XRN1: variants seen among roughly 807,000 people sequenced by gnomAD.
XRN1 encodes the protein strand-exchange protein 1 homolog.
A neutral mutation model predicts 222.3 loss-of-function variants in XRN1; 67 were observed. The ratio of observed to expected loss-of-function variants is 0.30; its 90% CI spans 0.25 to 0.37. The LOEUF (loss-of-function observed/expected upper bound fraction) is 0.37. XRN1 is among the 10% of genes least tolerant of loss of function. The pLI is 1.00. For synonymous variants in XRN1, 643 were observed against 652.4 expected (o/e 0.99, Z 0.22); for missense variants, 1,707 against 2,000.2 (o/e 0.85, Z 2.80).
chr3:142,410,487 G>GTTTTTTTTTTTTTTTT (rs751870329), intron 15 of XRN1, among the ~76,000 whole-genome samples: 3 of 68,072 alleles, frequency 4.4e-5, no homozygotes, highest in African/African-American at 1.2e-4. Flanking sequence ...TCTATCTCAT[G>GTTTTTTTTTTTTTTTT]TTTTTTTTTT....
intron 10 of XRN1, 80 bp downstream of exon 10, chr3:142,420,936 A>G (rs1022517433): frequency 1.9e-6 from 3 of 1,576,016 alleles, no homozygotes; most frequent in South Asian, 2.3e-5. Flanking sequence ...CCAAATCATA[A>G]GAAGGAAAAT....
chr3:142,311,131 A>T lies in XRN1; in HGVS notation c.*380T>A, dbSNP rs145053714. 2.1e-3 allele frequency: 326 copies of T among 155,078 alleles called. No individual in the cohort carries two copies. Among genetic ancestry groups the T allele is most frequent in the African/African-American group, 7.3e-3 (305 of 41,644 alleles). 9.6% of individuals were successfully genotyped at this position (155,078 alleles called of 1,614,324 possible). On this transcript the variant is annotated 3_prime_UTR_variant, in exon 41 of 41. Transcript: ENST00000392981. ...TTATTCCTCAATGATAGTGTAAAAAATGCTTATTATTGCTAACTGATGTCT... is the reference window on the plus strand; with the variant it reads ...TTATTCCTCAATGATAGTGTAAAAATTGCTTATTATTGCTAACTGATGTCT...
chr3:142,359,537 C>A (rs1336837465), intron 30 of XRN1, among the ~76,000 whole-genome samples: 1 of 152,136 alleles, frequency 6.6e-6, no homozygotes, highest in Non-Finnish European at 1.5e-5. Context: ...CAAGTTCTAT[C>A]TTAAATACCA....
rs140326310 is a variant in XRN1 at position 142,319,757 on chromosome 3, G to C, written c.4405-854C>G. On this transcript the variant is annotated intron_variant, in intron 37 of 40. Coordinates refer to ENST00000392981, the MANE Select transcript of XRN1 (RefSeq NM_001282857.2). ...TTCCCATTTATAAATGAGAACATGT[G>C]ATATCTGACTTTCTGTTTCTGAATT... Among the ~76,000 whole-genome samples the C allele has an allele frequency of 3.6e-3, 543 of 152,190 alleles. 6 individuals carry two copies. Among genetic ancestry groups the C allele is most frequent in the African/African-American group, 0.012 (499 of 41,534 alleles).
chr3:142,433,994 A>C (rs2069747932), intron 1 of XRN1, among the ~76,000 whole-genome samples: 1 of 152,232 alleles, frequency 6.6e-6, no homozygotes, highest in African/African-American at 2.4e-5. Context: ...TAACATAAAA[A>C]TTCTGGAATG....
Position 142,355,409 on chromosome 3 carries a change from G to C in XRN1, c.3760C>G (p.Gln1254Glu). 6.4e-7 allele frequency: 1 copy of C among 1,562,466 alleles called. No individual in the cohort carries two copies. The highest frequency in any genetic ancestry group is 1.2e-5 in the South Asian group (1 of 80,430). ...AAACAAGGAATACTAACCTTCTCTT[G>C]TATAGTTGGCTGAAAGTATTGCATC... ...GKMQYFQPTIQEKGAVLPQEI... is the reference protein window; with the variant it reads ...GKMQYFQPTIEEKGAVLPQEI... The change falls in exon 32 of 41, where the codon CAA becomes GAA. Residue 1254 changes from glutamine (Q) to glutamate (E), a missense_variant. Transcript: ENST00000392981.
intron 37 of XRN1, among the ~76,000 whole-genome samples, chr3:142,324,472 C>A (rs1409050126): frequency 6.6e-6 from 1 of 152,080 alleles, no homozygotes; most frequent in Non-Finnish European, 1.5e-5. Context: ...ATATCTGCCA[C>A]ATTTTCTTAA....
chr3:142,406,876 A>G (rs920624777), intron 15 of XRN1, among the ~76,000 whole-genome samples: 1 of 152,218 alleles, frequency 6.6e-6, no homozygotes, highest in African/African-American at 2.4e-5. Flanking sequence ...AAAATCTTGC[A>G]GTCATCATCC....
chr3:142,411,599 A>G (rs745550104), intron 15 of XRN1, among the ~76,000 whole-genome samples: 3 of 151,876 alleles, frequency 2.0e-5, no homozygotes, highest in Admixed American at 6.5e-5. Flanking sequence ...CATGTGTGCC[A>G]CCATGCTCAG....
At chr3:142,408,320 T>C (rs752662508) in intron 15 of XRN1, among the ~76,000 whole-genome samples, 1 of 152,192 alleles carries the variant, frequency 6.6e-6, no homozygotes, top group Non-Finnish European at 1.5e-5. Context: ...GGCCTATACA[T>C]GTGCCATTTT....
intron 1 of XRN1, among the ~76,000 whole-genome samples, chr3:142,440,858 C>T (rs1219005765): frequency 6.6e-6 from 1 of 152,194 alleles, no homozygotes; most frequent in Non-Finnish European, 1.5e-5. Flanking sequence ...AGCCTTCGAA[C>T]CCAACGTCTT....
chr3:142,393,606 T>TC (rs1282397090), intron 20 of XRN1, among the ~76,000 whole-genome samples: 4 of 152,088 alleles, frequency 2.6e-5, no homozygotes, highest in African/African-American at 9.7e-5. Context: ...TGCTTGTTTT[T>TC]CTCAGGTTTG....
At chr3:142,351,440 C>T (rs976979165) in intron 32 of XRN1, among the ~76,000 whole-genome samples, 1 of 152,020 alleles carries the variant, frequency 6.6e-6, no homozygotes, top group African/African-American at 2.4e-5. Context: ...TTTTTGCACA[C>T]AAAGGTCATT....
chr3:142,379,230 C>T (rs2067230529), intron 23 of XRN1, among the ~76,000 whole-genome samples: 1 of 152,114 alleles, frequency 6.6e-6, no homozygotes, highest in Non-Finnish European at 1.5e-5. Context: ...AAGATCGTGC[C>T]ACTGCACTCC....
intron 19 of XRN1, 48 bp from the exon 20 acceptor site, chr3:142,397,508 T>G: frequency 6.7e-7 from 1 of 1,496,146 alleles, no homozygotes; most frequent in Non-Finnish European, 9.0e-7. Context: ...TCTGGTTTAA[T>G]ATAGAGTTCT....
intron 12 of XRN1, 125 bp downstream of exon 12, chr3:142,418,379 T>A (rs2068868058): frequency 1.5e-6 from 1 of 673,848 alleles, no homozygotes; most frequent in Non-Finnish European, 2.5e-6. Flanking sequence ...AGTTGAAACA[T>A]ACACAATAAT....
intron 37 of XRN1, among the ~76,000 whole-genome samples, chr3:142,320,700 A>C (rs1172061340): frequency 6.6e-6 from 1 of 151,634 alleles, no homozygotes; most frequent in East Asian, 1.9e-4. Context: ...TACATTTAAG[A>C]CTCATTTCAT....
chr3:142,320,703 C>A (rs1422041884), intron 37 of XRN1, among the ~76,000 whole-genome samples: 2 of 152,042 alleles, frequency 1.3e-5, no homozygotes, highest in East Asian at 1.9e-4. Context: ...ATTTAAGACT[C>A]ATTTCATGAG....
intron 26 of XRN1, among the ~76,000 whole-genome samples, 170 bp from the exon 27 acceptor site, chr3:142,370,790 A>G (rs1350942976): frequency 6.6e-6 from 1 of 152,208 alleles, no homozygotes; most frequent in Non-Finnish European, 1.5e-5. Context: ...TAAAAGACAC[A>G]CAAAAAGATT....
Sources: gnomAD v4.1 joint callset for allele counts (sites outside exome capture counted in the v4.1 genomes callset) on GRCh38, gnomAD v4.1.1 for gene constraint, MANE v1.5 for transcripts, NCBI Gene and HGNC (gene_info 2026-07-23, HGNC 2026-07-21) for gene names.